RBM47: variants seen among roughly 807,000 people sequenced by gnomAD.
RBM47 encodes the protein RNA-binding protein 47.
Under a neutral mutation model 47.1 loss-of-function variants are expected in RBM47, and 21 were observed. That is an observed-to-expected ratio of 0.45 (90% confidence interval 0.32 to 0.64). RBM47 has a LOEUF of 0.64. Ranked by LOEUF, RBM47 falls within the 30% of genes least tolerant of loss-of-function variation. The pLI, the probability that RBM47 is intolerant of heterozygous loss-of-function variation, is 0.05. For synonymous variants in RBM47, 375 were observed against 361.7 expected (o/e 1.04, Z -0.42); for missense variants, 708 against 870.9 (o/e 0.81, Z 2.35).
At chr4:40,569,020 C>CAGAT (rs1731411141) in intron 1 of RBM47, among the ~76,000 whole-genome samples, 3 of 116,196 alleles carry the variant, frequency 2.6e-5, no homozygotes, top group African/African-American at 6.1e-5. Context: ...GATAGATAGA[C>CAGAT]AGACAGACAG....
chr4:40,518,482 A>C (rs1384891971), intron 2 of RBM47, among the ~76,000 whole-genome samples: 1 of 152,050 alleles, frequency 6.6e-6, no homozygotes, highest in Non-Finnish European at 1.5e-5. Context: ...AGCTGCAAAC[A>C]TTGCATCTCA....
chr4:40,492,660 T>C (rs1308415062), intron 2 of RBM47, among the ~76,000 whole-genome samples: 1 of 152,194 alleles, frequency 6.6e-6, no homozygotes, highest in Non-Finnish European at 1.5e-5. Flanking sequence ...TATGACACAA[T>C]TTTTATGTCC....
intron 1 of RBM47, among the ~76,000 whole-genome samples, chr4:40,561,355 A>G (rs371320480): frequency 1.3e-5 from 2 of 148,714 alleles, no homozygotes; most frequent in Admixed American, 6.9e-5. Context: ...CCTCAGCATC[A>G]TAAGTAGCTC....
At chr4:40,516,268 T>TC (rs1322792226) in intron 2 of RBM47, among the ~76,000 whole-genome samples, 2 of 149,462 alleles carry the variant, frequency 1.3e-5, no homozygotes, top group African/African-American at 4.9e-5. Context: ...TTTCTTTTTT[T>TC]TTTTTTTTTT....
chr4:40,491,142 C>A (rs1326992223), intron 2 of RBM47, among the ~76,000 whole-genome samples: 1 of 151,978 alleles, frequency 6.6e-6, no homozygotes, highest in African/African-American at 2.4e-5. Flanking sequence ...ACAATAGATT[C>A]GAAATGAGAG....
chr4:40,445,282 A>G (rs1034966951), intron 3 of RBM47, among the ~76,000 whole-genome samples: 2 of 152,114 alleles, frequency 1.3e-5, no homozygotes, highest in African/African-American at 4.8e-5. Context: ...TCAAAAAAAA[A>G]AAAAAAAAAA....
intron 4 of RBM47, 43 bp from the exon 5 acceptor site, chr4:40,436,690 C>G: frequency 6.3e-7 from 1 of 1,590,010 alleles, no homozygotes; most frequent in Non-Finnish European, 8.6e-7. Context: ...CCAACAGTGA[C>G]GGTGCTGGAG....
intron 1 of RBM47, among the ~76,000 whole-genome samples, chr4:40,592,257 CT>C (rs55974728): frequency 0.047 from 6,509 of 139,278 alleles, 178 homozygotes; most frequent in Middle Eastern, 0.063. Context: ...TTTTCTTTTA[CT>C]TTTTTTTTTT....
At chr4:40,437,107 ATAT>A (rs1712663264) in intron 4 of RBM47, among the ~76,000 whole-genome samples, 2 of 84,050 alleles carry the variant, frequency 2.4e-5, no homozygotes, top group Non-Finnish European at 4.1e-5. Flanking sequence ...ATATATATAT[ATAT>A]AAAATACATA....
At chr4:40,499,251 C>CA (rs1009355977) in intron 2 of RBM47, among the ~76,000 whole-genome samples, 1 of 152,076 alleles carries the variant, frequency 6.6e-6, no homozygotes, top group Non-Finnish European at 1.5e-5. Flanking sequence ...CTGCAAAACT[C>CA]AGAGGGCTAG....
At chr4:40,494,353 A>G (rs1430114961) in intron 2 of RBM47, among the ~76,000 whole-genome samples, 1 of 152,216 alleles carries the variant, frequency 6.6e-6, no homozygotes, top group Non-Finnish European at 1.5e-5. Flanking sequence ...CTAGGACTAG[A>G]TATTTAGAAA....
rs1490948552 is a variant in RBM47 at position 40,436,652 on chromosome 4, T to A, written c.1124-5A>T. Reference sequence around the variant, plus strand: ...CTCGGCCTCTTATGCTGCCTGCTTGTAATAACAACACAAAAGATGATCAGC... The same window carrying A: ...CTCGGCCTCTTATGCTGCCTGCTTGAAATAACAACACAAAAGATGATCAGC... On this transcript the variant is annotated splice_polypyrimidine_tract_variant and splice_region_variant and intron_variant, in intron 4 of 6. Coordinates refer to ENST00000295971, the MANE Select transcript of RBM47 (RefSeq NM_001098634.2). 6.2e-7 allele frequency: 1 copy of A among 1,613,354 alleles called. No individual in the cohort carries two copies. Among genetic ancestry groups the A allele is most frequent in the South Asian group, 1.1e-5 (1 of 91,068 alleles).
At chr4:40,569,081 G>A (rs1297405991) in intron 1 of RBM47, among the ~76,000 whole-genome samples, 2 of 151,832 alleles carry the variant, frequency 1.3e-5, no homozygotes, top group Non-Finnish European at 2.9e-5. Context: ...GTCTGGGAGG[G>A]ACATTAATCA....
intron 2 of RBM47, among the ~76,000 whole-genome samples, chr4:40,520,412 T>C (rs78410465): frequency 6.6e-6 from 1 of 152,214 alleles, no homozygotes; most frequent in Non-Finnish European, 1.5e-5. Context: ...TAGGGCAGAA[T>C]AATGTGTCTC....
At chr4:40,427,139 G>C (rs1359671655) in intron 6 of RBM47, 8 of 152,176 alleles carry the variant, frequency 5.3e-5, no homozygotes, top group Admixed American at 5.2e-4. Flanking sequence ...TTAAAAAATT[G>C]TGACCATACA....
intron 2 of RBM47, chr4:40,543,372 G>C (rs1461215539): frequency 1.3e-5 from 2 of 152,124 alleles, no homozygotes; most frequent in Non-Finnish European, 2.9e-5. Flanking sequence ...TGTCTGGAAG[G>C]CTGCTTCATT....
At chr4:40,437,090 A>AAAAAAATATATATAT (rs1256296949) in intron 4 of RBM47, among the ~76,000 whole-genome samples, 1 of 49,804 alleles carries the variant, frequency 2.0e-5, no homozygotes, top group African/African-American at 1.1e-4. Context: ...AAAAAAAAAA[A>AAAAAAATATATATAT]ATATATATAT....
At position 40,610,040 on chromosome 4, in the gene RBM47, G is replaced by A. The variant is rs557797955; in HGVS notation, c.-240+19356C>T. On this transcript the variant is annotated intron_variant, in intron 1 of 6. Coordinates refer to ENST00000295971, the MANE Select transcript of RBM47 (RefSeq NM_001098634.2). ...CGGGAGGCGGAGGTTGCAGTGACCC[G>A]AGATCACGCCACTGCACTCCAGCCT... Among the ~76,000 whole-genome samples, 356 of 152,048 alleles carry A rather than the reference G, an allele frequency of 2.3e-3. 3 individuals carry two copies. Among genetic ancestry groups the A allele is most frequent in the African/African-American group, 7.9e-3 (328 of 41,492 alleles).
intron 1 of RBM47, among the ~76,000 whole-genome samples, chr4:40,551,717 C>T (rs961156062): frequency 2.0e-5 from 3 of 148,000 alleles, no homozygotes; most frequent in Non-Finnish European, 4.5e-5. Context: ...GGTGGGATCT[C>T]GGCTCACTGC....
Sources: gnomAD v4.1 joint callset for allele counts (sites outside exome capture counted in the v4.1 genomes callset) on GRCh38, gnomAD v4.1.1 for gene constraint, MANE v1.5 for transcripts, NCBI Gene and HGNC (gene_info 2026-07-23, HGNC 2026-07-21) for gene names.